Variants in FAM13A observed in about 807,000 individuals in gnomAD.
FAM13A encodes protein FAM13A.
In FAM13A, 76 loss-of-function variants were observed where a neutral mutation model predicts 129.6. The observed-to-expected ratio is 0.59, with a 90% CI of 0.49 to 0.71. The LOEUF is 0.71. FAM13A is among the 30% of genes least tolerant of loss of function. FAM13A has a pLI of 0.00. For synonymous variants in FAM13A, 443 were observed against 449.9 expected (o/e 0.98, Z 0.20); for missense variants, 1,108 against 1,249.3 (o/e 0.89, Z 1.70).
chr4:88,736,751 A>T (rs1377153870), intron 21 of FAM13A: 1 of 152,176 alleles, frequency 6.6e-6, no homozygotes, highest in Non-Finnish European at 1.5e-5. Flanking sequence ...CTCGCATTCT[A>T]GCAAAAGTAG....
intron 3 of FAM13A, among the ~76,000 whole-genome samples, chr4:88,999,678 G>A (rs768689193): frequency 6.6e-6 from 1 of 152,114 alleles, no homozygotes; most frequent in Non-Finnish European, 1.5e-5. Context: ...ACCAAGCCCA[G>A]AGTTACTTAA....
intron 7 of FAM13A, chr4:88,823,155 T>C (rs1732368948): frequency 3.3e-6 from 5 of 1,504,544 alleles, no homozygotes; most frequent in Admixed American, 2.4e-5. Context: ...TGCTCTGCAG[T>C]TGGCCAGTCT....
Position 88,727,106 on chromosome 4 carries a change from A to T in FAM13A, c.*1427T>A, listed in dbSNP as rs1736612388. ...GCCCTTTCAGAAGGCAACTTTCAAA[A>T]CATACGAGGGTGCCTCTGCTGTGTG... On this transcript the variant is annotated 3_prime_UTR_variant, in exon 24 of 24. Coordinates refer to ENST00000264344, the MANE Select transcript of FAM13A (RefSeq NM_014883.4). 1 of 152,326 alleles carries T rather than the reference A, an allele frequency of 6.6e-6. No homozygotes were observed. Among genetic ancestry groups the T allele is most frequent in the African/African-American group, 2.4e-5 (1 of 41,456 alleles). The allele number at this position is 152,326 out of a possible 1,614,324, so 9.4% of individuals were successfully genotyped here.
At chr4:88,865,880 T>C (rs12645895) in intron 6 of FAM13A, among the ~76,000 whole-genome samples, 2,108 of 39,312 alleles carry the variant, frequency 0.054, 56 homozygotes, top group East Asian at 0.18. Flanking sequence ...GTCTCTCTCT[T>C]TTTTTTTTTT....
At chr4:88,733,546 C>G (rs1482893332) in intron 21 of FAM13A, among the ~76,000 whole-genome samples, 1 of 152,148 alleles carries the variant, frequency 6.6e-6, no homozygotes, top group Non-Finnish European at 1.5e-5. Context: ...TGTCAGGTAC[C>G]TCATAAGGCA....
intron 5 of FAM13A, among the ~76,000 whole-genome samples, chr4:88,926,666 G>C (rs935198288): frequency 2.6e-5 from 4 of 152,034 alleles, no homozygotes; most frequent in Admixed American, 6.6e-5. Flanking sequence ...AAAATGTCTG[G>C]GGAGAAGAAA....
intron 6 of FAM13A, among the ~76,000 whole-genome samples, chr4:88,895,404 A>C (rs375127650): frequency 1.1e-3 from 171 of 151,802 alleles, no homozygotes; most frequent in African/African-American, 3.4e-3. Context: ...GCAACAAAAG[A>C]CAAAATTGAC....
chr4:88,972,726 C>G (rs765568997), intron 4 of FAM13A, among the ~76,000 whole-genome samples: 1 of 152,064 alleles, frequency 6.6e-6, no homozygotes, highest in Non-Finnish European at 1.5e-5. Context: ...TGTGCCTTAG[C>G]CTCCCAAGTA....
At chr4:88,863,760 G>T (rs1390504546) in intron 6 of FAM13A, among the ~76,000 whole-genome samples, 2 of 152,152 alleles carry the variant, frequency 1.3e-5, no homozygotes, top group African/African-American at 2.4e-5. Context: ...GTGTTGGGAG[G>T]ATGTAGAAAG....
intron 4 of FAM13A, among the ~76,000 whole-genome samples, chr4:88,977,293 C>T (rs1217757481): frequency 5.9e-5 from 9 of 152,044 alleles, no homozygotes; most frequent in Non-Finnish European, 1.2e-4. Context: ...TACTAAGTAA[C>T]GAACAGGTAG....
chr4:88,884,053 G>A (rs1744028558), intron 6 of FAM13A, among the ~76,000 whole-genome samples: 1 of 152,010 alleles, frequency 6.6e-6, no homozygotes, highest in Non-Finnish European at 1.5e-5. Flanking sequence ...GGAAAAGATG[G>A]ATTTACAGCT....
Position 88,858,238 on chromosome 4 carries a change from G to A in FAM13A, c.844-7055C>T, listed in dbSNP as rs188627119. Among the ~76,000 whole-genome samples the A allele has an allele frequency of 2.5e-3, 388 of 152,292 alleles. 2 individuals carry two copies. Among genetic ancestry groups the A allele is most frequent in the African/African-American group, 8.8e-3 (366 of 41,564 alleles). ...GTAAATCTGTACATGGTAGTAGGGT[G>A]AGGTTTCTTATTAATCTCGACACAG... is the stretch of plus-strand genomic sequence containing the variant. On this transcript the variant is annotated intron_variant, in intron 6 of 23. Coordinates refer to ENST00000264344, the MANE Select transcript of FAM13A (RefSeq NM_014883.4).
At chr4:88,988,178 GAA>G (rs966657116) in intron 4 of FAM13A, among the ~76,000 whole-genome samples, 3 of 151,220 alleles carry the variant, frequency 2.0e-5, no homozygotes, top group Non-Finnish European at 4.4e-5. Flanking sequence ...CAATGTGGTT[GAA>G]AAAAAAAGTT....
At chr4:88,933,337 A>C (rs182022551) in intron 5 of FAM13A, among the ~76,000 whole-genome samples, 2 of 152,274 alleles carry the variant, frequency 1.3e-5, no homozygotes, top group Admixed American at 1.3e-4. Flanking sequence ...CAACAAGACA[A>C]ACCAGGCTCA....
rs910990875 is a variant in FAM13A at position 88,728,428 on chromosome 4, A to G, written c.*105T>C. On this transcript the variant is annotated 3_prime_UTR_variant, in exon 24 of 24. Transcript: ENST00000264344. The stretch of plus-strand genomic sequence containing the variant: ...AATGGTCTAGAGGCAGAAGGGCTGC[A>G]TGCTTTGCAGGGCCAGCCCCAAGGC... 4.3e-6 allele frequency: 6 copies of G among 1,410,582 alleles called. No individual in the cohort carries two copies. Among genetic ancestry groups the G allele is most frequent in the Non-Finnish European group, 5.9e-6 (6 of 1,011,770 alleles). 87.4% of individuals were successfully genotyped at this position (1,410,582 alleles called of 1,614,324 possible).
chr4:88,739,621 CAA>C (rs5860146), intron 19 of FAM13A, among the ~76,000 whole-genome samples: 20,906 of 112,550 alleles, frequency 0.19, 1,900 homozygotes, highest in South Asian at 0.35. Flanking sequence ...CTAAAAAATA[CAA>C]AAAAAAAAAA....
At chr4:88,839,219 A>G (rs546596896) in intron 7 of FAM13A, among the ~76,000 whole-genome samples, 1 of 152,256 alleles carries the variant, frequency 6.6e-6, no homozygotes, top group East Asian at 1.9e-4. Context: ...TACTTTTGCT[A>G]TTTTATTTTT....
intron 1 of FAM13A, among the ~76,000 whole-genome samples, chr4:89,047,475 C>G (rs1487021539): frequency 6.6e-6 from 1 of 152,074 alleles, no homozygotes; most frequent in Non-Finnish European, 1.5e-5. Context: ...TGCAAATACT[C>G]TCCTAAAAAA....
rs1049291596 is a variant in FAM13A at position 89,054,319 on chromosome 4, G to A, written c.27+2619C>T. ...CACAGACACACACACACACACACACGTACGTACTACAGATATCTAGTACTC... is the reference window on the plus strand; with the variant it reads ...CACAGACACACACACACACACACACATACGTACTACAGATATCTAGTACTC... On this transcript the variant is annotated intron_variant, in intron 1 of 23. Transcript: ENST00000264344. Among the ~76,000 whole-genome samples the A allele has an allele frequency of 2.9e-4, 33 of 113,462 alleles. 1 individual carries two copies. The highest frequency in any genetic ancestry group is 3.7e-5 in the Non-Finnish European group (2 of 53,384). 74.4% of individuals were successfully genotyped at this position (113,462 alleles called of 152,430 possible). A position where few individuals can be genotyped will look rare whatever the true frequency, so the allele number is the denominator to read the frequency against.
Sources: gnomAD v4.1 joint callset for allele counts (sites outside exome capture counted in the v4.1 genomes callset) on GRCh38, gnomAD v4.1.1 for gene constraint, MANE v1.5 for transcripts, NCBI Gene and HGNC (gene_info 2026-07-23, HGNC 2026-07-21) for gene names.